DPP6: variants seen among roughly 807,000 people sequenced by gnomAD.
The protein encoded by DPP6 is dipeptidyl peptidase like 6, also known as A-type potassium channel modulatory protein DPP6.
Under a neutral mutation model 122.6 loss-of-function variants are expected in DPP6, and 69 were observed. The ratio of observed to expected loss-of-function variants is 0.56; its 90% CI spans 0.46 to 0.69. The LOEUF (loss-of-function observed/expected upper bound fraction) is 0.69. Among genes scored for constraint, DPP6 ranks in the 30% least tolerant of loss-of-function variants. DPP6 has a pLI of 0.00. For synonymous variants in DPP6, 418 were observed against 433.1 expected, an observed-to-expected ratio of 0.97 and a Z score of 0.43; for missense variants, 928 against 1,116.9, an observed-to-expected ratio of 0.83 and a Z score of 2.41.
At chr7:153,903,064 A>C (rs76175027) in intron 1 of DPP6, among the ~76,000 whole-genome samples, 4,281 of 152,292 alleles carry the variant, frequency 0.028, 88 homozygotes, top group East Asian at 0.087. Flanking sequence ...GCAGATGCTG[A>C]GTGCTCGAGA....
chr7:154,476,480 C>T (rs1822749455), intron 3 of DPP6, among the ~76,000 whole-genome samples: 1 of 152,292 alleles, frequency 6.6e-6, no homozygotes, highest in Non-Finnish European at 1.5e-5. Context: ...GGGAGGAAAA[C>T]ATGACAACTC....
At chr7:154,101,350 G>A (rs1391034366) in intron 1 of DPP6, among the ~76,000 whole-genome samples, 1 of 146,386 alleles carries the variant, frequency 6.8e-6, no homozygotes, top group East Asian at 2.1e-4. Flanking sequence ...GTAAATATCT[G>A]TGATTTCACT....
chr7:153,791,475 A>G, the DPP6 span, among the ~76,000 whole-genome samples: 1 of 121,920 alleles, frequency 8.2e-6, no homozygotes, highest in Admixed American at 1.1e-4. Flanking sequence ...CTGGAGTGCA[A>G]TGGCAGGATC....
the DPP6 span, among the ~76,000 whole-genome samples, chr7:153,849,111 G>C: frequency 1.3e-5 from 2 of 152,240 alleles, no homozygotes; most frequent in South Asian, 4.1e-4. Context: ...CTTGCCTACA[G>C]AGAAAAACTT....
At chr7:154,890,761 G>T (rs764924484) in intron 25 of DPP6, 52 of 152,370 alleles carry the variant, frequency 3.4e-4, no homozygotes, top group Admixed American at 1.3e-4. Flanking sequence ...GGAGACGGGG[G>T]CCTGAGGCAG....
At position 154,562,467 on chromosome 7, in the gene DPP6, T is replaced by C. The variant is rs192792304; in HGVS notation, c.553-4375T>C. ...TATCTTCAACCTGATAAAAGATATC[T>C]ATTAAAAATACCATAAATATCATAC... is the stretch of plus-strand genomic sequence containing the variant. On this transcript the variant is annotated intron_variant, in intron 4 of 25. Coordinates refer to ENST00000377770, the MANE Select transcript of DPP6 (RefSeq NM_130797.4). Among the ~76,000 whole-genome samples the C allele has an allele frequency of 3.9e-3, 589 of 152,252 alleles. 1 individual carries two copies. Among genetic ancestry groups the C allele is most frequent in the South Asian group, 8.3e-3 (40 of 4,830 alleles).
At chr7:153,873,458 A>G in the DPP6 span, among the ~76,000 whole-genome samples, 3 of 152,252 alleles carry the variant, frequency 2.0e-5, no homozygotes, top group Non-Finnish European at 2.9e-5. Context: ...ATAGACAATA[A>G]TTCTACCCTT....
At chr7:154,260,193 T>C (rs1802903391) in intron 1 of DPP6, among the ~76,000 whole-genome samples, 1 of 152,134 alleles carries the variant, frequency 6.6e-6, no homozygotes, top group Admixed American at 6.5e-5. Flanking sequence ...GGATGTGGGC[T>C]GGAGTCCATG....
At chr7:154,635,710 G>A (rs969599051) in intron 5 of DPP6, among the ~76,000 whole-genome samples, 1 of 152,154 alleles carries the variant, frequency 6.6e-6, no homozygotes, top group South Asian at 2.1e-4. Context: ...ACATTAGCCA[G>A]GGTTGCAGTC....
intron 1 of DPP6, among the ~76,000 whole-genome samples, chr7:154,343,364 G>GC (rs1360044190): frequency 6.6e-6 from 1 of 152,206 alleles, no homozygotes; most frequent in East Asian, 1.9e-4. Flanking sequence ...CTGCATCTTC[G>GC]CAAGTGCACA....
intron 7 of DPP6, among the ~76,000 whole-genome samples, chr7:154,704,987 C>A (rs34142467): frequency 0.026 from 3,970 of 152,200 alleles, 63 homozygotes; most frequent in Non-Finnish European, 0.04. Context: ...GTGCCTCAGC[C>A]TCCAGAGTAG....
chr7:154,621,649 G>A (rs1298405573), intron 5 of DPP6, among the ~76,000 whole-genome samples: 2 of 152,210 alleles, frequency 1.3e-5, no homozygotes, highest in African/African-American at 2.4e-5. Context: ...TTAGAGGCAT[G>A]AGCTACCGCA....
chr7:154,516,994 C>T (rs191920605), intron 3 of DPP6, among the ~76,000 whole-genome samples: 62 of 152,272 alleles, frequency 4.1e-4, no homozygotes, highest in Admixed American at 3.6e-3. Flanking sequence ...ATTTTGAAAT[C>T]CTCATTATGT....
intron 2 of DPP6, among the ~76,000 whole-genome samples, chr7:154,472,437 C>A (rs1420183765): frequency 7.4e-6 from 1 of 134,836 alleles, no homozygotes; most frequent in Admixed American, 7.9e-5. Flanking sequence ...CAGCCTCTTT[C>A]CTTCAGCAAG....
At chr7:154,367,147 G>A (rs1812257260) in intron 1 of DPP6, among the ~76,000 whole-genome samples, 1 of 152,142 alleles carries the variant, frequency 6.6e-6, no homozygotes, top group African/African-American at 2.4e-5. Context: ...AAATAATGGG[G>A]CGCATTAGCA....
the DPP6 span, among the ~76,000 whole-genome samples, chr7:153,881,939 G>C: frequency 6.6e-6 from 1 of 152,034 alleles, no homozygotes; most frequent in Admixed American, 6.6e-5. Flanking sequence ...AATTATTTTT[G>C]TTGTTGTCCA....
At chr7:154,868,643 C>T (rs957159623) in intron 18 of DPP6, among the ~76,000 whole-genome samples, 2 of 152,188 alleles carry the variant, frequency 1.3e-5, no homozygotes, top group Admixed American at 6.5e-5. Flanking sequence ...CTGTGCTAGG[C>T]GTTGCTAAGC....
At chr7:154,716,270 A>AG (rs1469441140) in intron 7 of DPP6, among the ~76,000 whole-genome samples, 1 of 151,872 alleles carries the variant, frequency 6.6e-6, no homozygotes, top group Non-Finnish European at 1.5e-5. Context: ...CTGGAACACA[A>AG]GGCTTCTCCC....
intron 2 of DPP6, among the ~76,000 whole-genome samples, chr7:154,471,043 G>C (rs1201127343): frequency 1.3e-5 from 2 of 152,118 alleles, no homozygotes. Flanking sequence ...CTGAGGTCAG[G>C]AGTTCGAGAC....
Sources: allele counts gnomAD v4.1 joint callset (sites outside exome capture counted in the v4.1 genomes callset), GRCh38; gene constraint gnomAD v4.1.1; transcripts MANE v1.5; gene names NCBI Gene and HGNC (gene_info 2026-07-23, HGNC 2026-07-21).